Variants in SAMTOR observed in about 807,000 individuals in gnomAD.
The protein encoded by SAMTOR is UPF0532 protein C7orf60.
At chr7:112,881,642 A>C in the SAMTOR span, among the ~76,000 whole-genome samples, 1 of 152,090 alleles carries the variant, frequency 6.6e-6, no homozygotes, top group Non-Finnish European at 1.5e-5. Flanking sequence ...TACACTCAGG[A>C]CTGCCTGCCT....
chr7:112,896,101 G>T, the SAMTOR span, among the ~76,000 whole-genome samples: 1 of 152,156 alleles, frequency 6.6e-6, no homozygotes, highest in African/African-American at 2.4e-5. Flanking sequence ...AGTTAATTTT[G>T]AGCTGGCTTT....
At chr7:112,890,979 T>A in the SAMTOR span, among the ~76,000 whole-genome samples, 1 of 152,154 alleles carries the variant, frequency 6.6e-6, no homozygotes, top group Non-Finnish European at 1.5e-5. Context: ...CATGAGCCAA[T>A]GTGCCCAGCC....
the SAMTOR span, chr7:112,832,633 G>A: frequency 6.2e-7 from 1 of 1,613,230 alleles, no homozygotes; most frequent in Non-Finnish European, 8.5e-7. Flanking sequence ...TAAAGCAGCT[G>A]CCAACATCAA....
the SAMTOR span, among the ~76,000 whole-genome samples, chr7:112,900,175 C>T: frequency 7.2e-5 from 11 of 152,092 alleles, no homozygotes; most frequent in Non-Finnish European, 1.5e-4. Flanking sequence ...AAGGAATTGG[C>T]TTATGTGATT....
chr7:112,860,836 G>C, the SAMTOR span, among the ~76,000 whole-genome samples: 11 of 150,794 alleles, frequency 7.3e-5, no homozygotes, highest in Admixed American at 2.0e-4. Context: ...GGCGTGAACC[G>C]GGGAGGCGGA....
At chr7:112,825,642 T>G in the SAMTOR span, among the ~76,000 whole-genome samples, 4 of 152,198 alleles carry the variant, frequency 2.6e-5, no homozygotes, top group Non-Finnish European at 5.9e-5. Flanking sequence ...ACAGTTTTAC[T>G]TCTTTCCAAT....
the SAMTOR span, among the ~76,000 whole-genome samples, chr7:112,845,310 T>C: frequency 9.2e-5 from 14 of 152,092 alleles, no homozygotes; most frequent in South Asian, 4.1e-4. Flanking sequence ...AGACTAGCTA[T>C]AGAATGGGAG....
At chr7:112,827,895 T>C in the SAMTOR span, among the ~76,000 whole-genome samples, 1 of 152,006 alleles carries the variant, frequency 6.6e-6, no homozygotes, top group Non-Finnish European at 1.5e-5. Flanking sequence ...TTTTATTTTT[T>C]GTAGAGATGG....
At chr7:112,867,573 C>T in the SAMTOR span, among the ~76,000 whole-genome samples, 53 of 152,210 alleles carry the variant, frequency 3.5e-4, no homozygotes, top group Admixed American at 7.2e-4. Flanking sequence ...AGTATGCTGA[C>T]AGTCTAAGTA....
chr7:112,877,819 C>T, the SAMTOR span, among the ~76,000 whole-genome samples: 1 of 152,090 alleles, frequency 6.6e-6, no homozygotes, highest in African/African-American at 2.4e-5. Context: ...GGCAACTCCC[C>T]GAAGTCCCCC....
the SAMTOR span, chr7:112,821,930 G>C: frequency 1.9e-6 from 3 of 1,612,668 alleles, no homozygotes. Flanking sequence ...CTATACTGTT[G>C]AAATCTTGAG....
At chr7:112,878,398 C>T in the SAMTOR span, among the ~76,000 whole-genome samples, 3 of 152,114 alleles carry the variant, frequency 2.0e-5, no homozygotes, top group Non-Finnish European at 2.9e-5. Context: ...AAATTCTTTG[C>T]ATTCACAGAC....
chr7:112,915,459 G>T, the SAMTOR span: 6 of 1,568,052 alleles, frequency 3.8e-6, no homozygotes, highest in Non-Finnish European at 5.2e-6. Context: ...TAAAAACAAA[G>T]TGATAAATGA....
chr7:112,938,781 G>A, the SAMTOR span, among the ~76,000 whole-genome samples: 1 of 152,298 alleles, frequency 6.6e-6, no homozygotes, highest in African/African-American at 2.4e-5. Context: ...ACACTCTTCA[G>A]GCACAGGCAA....
chr7:112,918,701 C>T, the SAMTOR span, among the ~76,000 whole-genome samples: 3 of 152,088 alleles, frequency 2.0e-5, no homozygotes, highest in South Asian at 4.2e-4. Flanking sequence ...TTCAGGAAAC[C>T]CATCTCACGT....
At chr7:112,839,010 T>G in the SAMTOR span, among the ~76,000 whole-genome samples, 4 of 151,810 alleles carry the variant, frequency 2.6e-5, no homozygotes, top group Non-Finnish European at 5.9e-5. Context: ...TACTCAGAAT[T>G]TGGTTTCTAA....
chr7:112,841,218 G>A, the SAMTOR span, among the ~76,000 whole-genome samples: 2 of 152,230 alleles, frequency 1.3e-5, no homozygotes, highest in South Asian at 2.1e-4. Flanking sequence ...AAGCTGATAA[G>A]CAACTTCAGC....
the SAMTOR span, among the ~76,000 whole-genome samples, chr7:112,876,944 C>G: frequency 6.6e-6 from 1 of 152,162 alleles, no homozygotes; most frequent in Non-Finnish European, 1.5e-5. Flanking sequence ...GAGATAAATT[C>G]ATCAAATCTT....
chr7:112,830,776 T>G, the SAMTOR span, among the ~76,000 whole-genome samples: 1 of 152,204 alleles, frequency 6.6e-6, no homozygotes, highest in African/African-American at 2.4e-5. Flanking sequence ...TAATCAAAGT[T>G]TCATATGAAA....
Sources: gnomAD v4.1 joint callset for allele counts (sites outside exome capture counted in the v4.1 genomes callset) on GRCh38, gnomAD v4.1.1 for gene constraint, MANE v1.5 for transcripts, NCBI Gene and HGNC (gene_info 2026-07-23, HGNC 2026-07-21) for gene names.